OR3A2: variants seen among roughly 807,000 people sequenced by gnomAD.
OR3A2 encodes olfactory receptor 3A2.
For synonymous variants in OR3A2, 126 were observed against 159.3 expected (o/e 0.79, Z 1.57); for missense variants, 318 against 392.8 (o/e 0.81, Z 1.61).
chr17:3,322,016 T>G (rs1396709502), intron 3 of OR3A2, among the ~76,000 whole-genome samples: 1 of 152,212 alleles, frequency 6.6e-6, no homozygotes, highest in Non-Finnish European at 1.5e-5. Flanking sequence ...GTCCTGGACT[T>G]TTTTTGGTTG....
At chr17:3,361,954 T>A (rs951857447) in intron 2 of OR3A2, among the ~76,000 whole-genome samples, 2 of 151,724 alleles carry the variant, frequency 1.3e-5, no homozygotes, top group Admixed American at 6.6e-5. Context: ...GTGGATTCCC[T>A]CTTTTTCTAT....
chr17:3,278,229 C>G, exon 2 of OR3A2: 1 of 1,614,176 alleles, frequency 6.2e-7, no homozygotes, highest in Non-Finnish European at 8.5e-7. Flanking sequence ...TGAACGGATT[C>G]GTAGAACTGC....
At chr17:3,377,317 T>C (rs572757864) in intron 2 of OR3A2, among the ~76,000 whole-genome samples, 7 of 152,190 alleles carry the variant, frequency 4.6e-5, no homozygotes, top group Non-Finnish European at 7.3e-5. Flanking sequence ...ATGCCCTACT[T>C]CATGAAGCTG....
chr17:3,314,413 T>C (rs1280950421), intron 3 of OR3A2, among the ~76,000 whole-genome samples: 4 of 152,220 alleles, frequency 2.6e-5, no homozygotes, highest in African/African-American at 4.8e-5. Context: ...ATAAAAAGCA[T>C]ATATTTGTTT....
At chr17:3,318,203 C>T (rs1353656535) in intron 3 of OR3A2, among the ~76,000 whole-genome samples, 1 of 152,150 alleles carries the variant, frequency 6.6e-6, no homozygotes, top group Non-Finnish European at 1.5e-5. Flanking sequence ...CAGGATAATG[C>T]AGCCTAGGTG....
chr17:3,311,827 A>T lies in OR3A2; in HGVS notation c.-85+24206T>A. The T allele has an allele frequency of 5.2e-6, 1 of 190,764 alleles. No individual in the cohort carries two copies. The highest frequency in any genetic ancestry group is 1.1e-5 in the Non-Finnish European group (1 of 89,546). The allele number at this position is 190,764 out of a possible 1,614,324, so 11.8% of individuals were successfully genotyped here. On this transcript the variant is annotated intron_variant, in intron 3 of 4. Transcript: ENST00000573491. The surrounding 1 kb of genome is among the most constrained non-coding windows in gnomAD (Gnocchi z 4.6). ...CAAAGATAAGGGGATTGGGATCCTC[A>T]ACACTATCCTCAGTCCCATGCTGAA...
At chr17:3,339,023 GT>G (rs1236863384) in intron 2 of OR3A2, among the ~76,000 whole-genome samples, 1 of 152,118 alleles carries the variant, frequency 6.6e-6, no homozygotes, top group Non-Finnish European at 1.5e-5. Flanking sequence ...GATCCTCTTT[GT>G]AGCAGTTGTG....
At chr17:3,372,204 G>A (rs1223718856) in intron 2 of OR3A2, among the ~76,000 whole-genome samples, 25 of 149,442 alleles carry the variant, frequency 1.7e-4, no homozygotes, top group Middle Eastern at 3.4e-3. Context: ...GGGCAGAGGC[G>A]CTCCCCACAT....
chr17:3,332,111 T>C (rs1597344920), intron 3 of OR3A2, among the ~76,000 whole-genome samples: 1 of 152,312 alleles, frequency 6.6e-6, no homozygotes, highest in African/African-American at 2.4e-5. Context: ...ACCACAGCTC[T>C]CTTCAAAGCT....
chr17:3,294,951 TTTTG>T (rs1435945114), intron 3 of OR3A2, among the ~76,000 whole-genome samples: 4 of 152,150 alleles, frequency 2.6e-5, no homozygotes, highest in African/African-American at 7.2e-5. Context: ...CAGAGTTTTG[TTTTG>T]TTTGTTTTTT....
At chr17:3,378,584 C>T (rs1359914970) in intron 2 of OR3A2, among the ~76,000 whole-genome samples, 1 of 152,100 alleles carries the variant, frequency 6.6e-6, no homozygotes, top group Admixed American at 6.5e-5. Context: ...GTGGGGCTCC[C>T]ACCTCTTCCC....
intron 3 of OR3A2, among the ~76,000 whole-genome samples, chr17:3,303,576 CT>C (rs994891688): frequency 6.6e-6 from 1 of 151,016 alleles, no homozygotes; most frequent in Non-Finnish European, 1.5e-5. Context: ...CCCGTCTCTA[CT>C]AAAAAAAAAA....
chr17:3,303,468 A>C (rs1354445649), intron 3 of OR3A2, among the ~76,000 whole-genome samples: 1 of 152,118 alleles, frequency 6.6e-6, no homozygotes, highest in East Asian at 1.9e-4. Flanking sequence ...CAGGCCAGGC[A>C]TAGTGGCTCA....
At chr17:3,288,246 CAAAAAAA>C, upstream of OR3A2, among the ~76,000 whole-genome samples, 2 of 73,486 alleles carry the variant, frequency 2.7e-5, no homozygotes, top group African/African-American at 9.1e-5. Flanking sequence ...ACCAAAAGGG[CAAAAAAA>C]AAAAAAAAAA....
At chr17:3,379,944 G>A (rs1358571023) in intron 2 of OR3A2, among the ~76,000 whole-genome samples, 1 of 152,164 alleles carries the variant, frequency 6.6e-6, no homozygotes, top group Non-Finnish European at 1.5e-5. Flanking sequence ...GAGAGGAGGG[G>A]AGGCTGCACT....
intron 3 of OR3A2, among the ~76,000 whole-genome samples, chr17:3,319,422 A>T (rs79694252): frequency 0.17 from 25,966 of 151,896 alleles, 3,028 homozygotes; most frequent in Admixed American, 0.34. Context: ...CATGTGCACA[A>T]CATGCAGGTT....
chr17:3,379,390 G>C (rs2049714064), intron 2 of OR3A2, among the ~76,000 whole-genome samples: 1 of 152,186 alleles, frequency 6.6e-6, no homozygotes, highest in Non-Finnish European at 1.5e-5. Context: ...ACAAGGCTGA[G>C]ATCCCCACAA....
downstream of OR3A2, among the ~76,000 whole-genome samples, chr17:3,276,353 A>G (rs1208200510): frequency 6.6e-6 from 1 of 152,220 alleles, no homozygotes. Flanking sequence ...TACTGATGTG[A>G]AACGGGCATA....
chr17:3,318,196 G>A (rs1416487217), intron 3 of OR3A2, among the ~76,000 whole-genome samples: 2 of 152,142 alleles, frequency 1.3e-5, no homozygotes, highest in African/African-American at 2.4e-5. Context: ...GAGAGTTCAG[G>A]ATAATGCAGC....
Sources: gnomAD v4.1 joint callset for allele counts (sites outside exome capture counted in the v4.1 genomes callset) on GRCh38, gnomAD v4.1.1 for gene constraint, Gnocchi (gnomAD v3.1) non-coding constraint, MANE v1.5 for transcripts, NCBI Gene and HGNC (gene_info 2026-07-23, HGNC 2026-07-21) for gene names.